Variants in SLC10A7 observed in about 807,000 individuals in gnomAD.
SLC10A7 encodes the protein solute carrier family 10 member 7, also known as sodium/bile acid cotransporter 7.
Under a neutral mutation model 43.2 loss-of-function variants are expected in SLC10A7, and 29 were observed. The observed-to-expected ratio is 0.67, with a 90% confidence interval of 0.50 to 0.92. The LOEUF (loss-of-function observed/expected upper bound fraction) is 0.92. Among genes scored for constraint, SLC10A7 ranks in the 40% least tolerant of loss-of-function variants. The pLI, the probability that SLC10A7 is intolerant of heterozygous loss-of-function variation, is 0.00. For synonymous variants in SLC10A7, 152 were observed against 144.8 expected (o/e 1.05, Z -0.35); for missense variants, 295 against 403.2 (o/e 0.73, Z 2.30).
At chr4:146,507,648 T>C (rs1374941341) in intron 3 of SLC10A7, among the ~76,000 whole-genome samples, 1 of 152,238 alleles carries the variant, frequency 6.6e-6, no homozygotes, top group Non-Finnish European at 1.5e-5. Context: ...CCATCATCCC[T>C]GTCCAGATGC....
rs575286637 is a variant in SLC10A7 at position 146,399,962 on chromosome 4, A to T, written c.435+42821T>A. Among the ~76,000 whole-genome samples, 22 of 152,224 alleles carry T rather than the reference A, an allele frequency of 1.4e-4. No homozygotes were observed. The South Asian group carries it at 4.4e-3, about 30-fold the overall frequency. On this transcript the variant is annotated intron_variant, in intron 5 of 11. Coordinates refer to ENST00000335472, the MANE Select transcript of SLC10A7 (RefSeq NM_001029998.6). Reference sequence around the variant, plus strand: ...ATGTTACATCAAACCACAGGGTTGGATGATTGGATAAATTTTCCTGGGAAG... The same window carrying T: ...ATGTTACATCAAACCACAGGGTTGGTTGATTGGATAAATTTTCCTGGGAAG...
intron 5 of SLC10A7, among the ~76,000 whole-genome samples, chr4:146,384,311 T>G (rs1737838236): frequency 6.6e-6 from 1 of 152,094 alleles, no homozygotes; most frequent in African/African-American, 2.4e-5. Context: ...TTACACAACT[T>G]CTTTTTAAGC....
intron 5 of SLC10A7, among the ~76,000 whole-genome samples, chr4:146,367,023 G>A (rs1212342303): frequency 2.0e-5 from 3 of 146,472 alleles, no homozygotes; most frequent in Non-Finnish European, 4.5e-5. Flanking sequence ...TTTTGTTTTT[G>A]TTTTTGCCAT....
At chr4:146,439,576 C>A (rs777521027) in intron 5 of SLC10A7, among the ~76,000 whole-genome samples, 16 of 152,206 alleles carry the variant, frequency 1.1e-4, no homozygotes, top group Middle Eastern at 6.8e-3. Context: ...TCCATAGTCA[C>A]ACCCACAAAC....
At chr4:146,449,770 A>G (rs1197133947) in intron 4 of SLC10A7, among the ~76,000 whole-genome samples, 3 of 152,158 alleles carry the variant, frequency 2.0e-5, no homozygotes, top group Non-Finnish European at 4.4e-5. Context: ...ATGTTTATAT[A>G]TTCATTAATT....
At chr4:146,503,122 A>G (rs1278866802) in intron 4 of SLC10A7, among the ~76,000 whole-genome samples, 1 of 152,218 alleles carries the variant, frequency 6.6e-6, no homozygotes, top group Admixed American at 6.5e-5. Flanking sequence ...AAATGAAAAT[A>G]GATGTTGAAA....
At chr4:146,384,036 A>G (rs1156484538) in intron 5 of SLC10A7, among the ~76,000 whole-genome samples, 2 of 152,082 alleles carry the variant, frequency 1.3e-5, no homozygotes, top group Admixed American at 1.3e-4. Flanking sequence ...TTACACATCA[A>G]AGGTATTGTA....
chr4:146,498,114 C>CT lies in SLC10A7; in HGVS notation c.396+5734dup, dbSNP rs201706885. ...AATTAGGATTCACCAACTCTTATTA[C>CT]TTTTTTTTTTTTTTTTATTTTGAGA... is the stretch of plus-strand genomic sequence containing the variant. On this transcript the variant is annotated intron_variant, in intron 4 of 11. Coordinates refer to ENST00000335472, the MANE Select transcript of SLC10A7 (RefSeq NM_001029998.6). Among the ~76,000 whole-genome samples the CT allele has an allele frequency of 1.3e-3, 187 of 143,794 alleles. 1 individual carries two copies. The highest frequency in any genetic ancestry group is 3.6e-3 in the Middle Eastern group (1 of 274). 94.3% of individuals were successfully genotyped at this position (143,794 alleles called of 152,430 possible).
At chr4:146,385,785 T>C (rs544345621) in intron 5 of SLC10A7, among the ~76,000 whole-genome samples, 3 of 152,306 alleles carry the variant, frequency 2.0e-5, no homozygotes, top group South Asian at 4.1e-4. Flanking sequence ...CAGTGTCTCT[T>C]GTTGCCATCT....
At chr4:146,356,002 C>A (rs1343736084) in intron 5 of SLC10A7, among the ~76,000 whole-genome samples, 1 of 146,294 alleles carries the variant, frequency 6.8e-6, no homozygotes, top group Non-Finnish European at 1.5e-5. Context: ...AACTAACCTG[C>A]ACAATGTGCA....
intron 4 of SLC10A7, among the ~76,000 whole-genome samples, chr4:146,447,792 T>C (rs1731237994): frequency 6.6e-6 from 1 of 152,110 alleles, no homozygotes; most frequent in African/African-American, 2.4e-5. Context: ...ATATAAGATA[T>C]TTTACTAATG....
chr4:146,402,750 C>T (rs1739310452), intron 5 of SLC10A7, among the ~76,000 whole-genome samples: 3 of 152,140 alleles, frequency 2.0e-5, no homozygotes, highest in African/African-American at 7.2e-5. Flanking sequence ...GAAGACATTC[C>T]ATTTTGGGGG....
chr4:146,433,612 T>G (rs1729961712), intron 5 of SLC10A7, among the ~76,000 whole-genome samples: 1 of 152,154 alleles, frequency 6.6e-6, no homozygotes, highest in South Asian at 2.1e-4. Context: ...ATGCCTACAA[T>G]CCCAGCACTT....
At chr4:146,503,144 A>C (rs770239396) in intron 4 of SLC10A7, among the ~76,000 whole-genome samples, 13 of 152,244 alleles carry the variant, frequency 8.5e-5, no homozygotes, top group Non-Finnish European at 1.6e-4. Flanking sequence ...CAGAATCCTA[A>C]GAATGAACTG....
intron 11 of SLC10A7, chr4:146,257,058 A>G: frequency 3.0e-6 from 2 of 671,974 alleles, no homozygotes; most frequent in Non-Finnish European, 5.1e-6. Flanking sequence ...CACTCTGATT[A>G]ATTTGCTGTT....
chr4:146,485,044 T>C (rs10032453), intron 4 of SLC10A7, among the ~76,000 whole-genome samples: 119,100 of 152,146 alleles, frequency 0.78, 46,951 homozygotes, highest in East Asian at 0.95. Context: ...GATTTTCTAC[T>C]ATCCCACCTC....
chr4:146,436,116 G>A (rs1730190565), intron 5 of SLC10A7, among the ~76,000 whole-genome samples: 1 of 151,956 alleles, frequency 6.6e-6, no homozygotes, highest in African/African-American at 2.4e-5. Context: ...AGATTTGTAA[G>A]TTGCTGGTCA....
At chr4:146,371,301 T>A (rs889436677) in intron 5 of SLC10A7, among the ~76,000 whole-genome samples, 1 of 152,218 alleles carries the variant, frequency 6.6e-6, no homozygotes, top group Non-Finnish European at 1.5e-5. Context: ...CACAATGTTA[T>A]TTACCTTACA....
intron 4 of SLC10A7, among the ~76,000 whole-genome samples, chr4:146,474,031 C>G (rs569517914): frequency 6.6e-6 from 1 of 152,024 alleles, no homozygotes; most frequent in South Asian, 2.1e-4. Flanking sequence ...TTGGATTACT[C>G]CCATACATGC....
Sources: allele counts gnomAD v4.1 joint callset (sites outside exome capture counted in the v4.1 genomes callset), GRCh38; gene constraint gnomAD v4.1.1; transcripts MANE v1.5; gene names NCBI Gene and HGNC (gene_info 2026-07-23, HGNC 2026-07-21).